The following GATAD2A variants were observed in gnomAD, a reference collection of about 807,000 sequenced individuals.
The protein encoded by GATAD2A is GATA zinc finger domain containing 2A.
In GATAD2A, 12 loss-of-function variants were observed where a neutral mutation model predicts 68.5. The observed-to-expected ratio is 0.18, with a 90% confidence interval of 0.11 to 0.28. The LOEUF is 0.28. Among genes scored for constraint, GATAD2A ranks in the 10% least tolerant of loss-of-function variants. The pLI, the probability that GATAD2A is intolerant of heterozygous loss-of-function variation, is 1.00. For missense variants in GATAD2A, 755 were observed against 868.5 expected, an observed-to-expected ratio of 0.87 and a Z score of 1.64; for synonymous variants, 410 against 375.3, an observed-to-expected ratio of 1.09 and a Z score of -1.07.
intron 1 of GATAD2A, among the ~76,000 whole-genome samples, chr19:19,388,090 C>CT (rs1438286017): frequency 6.8e-6 from 1 of 147,640 alleles, no homozygotes; most frequent in Non-Finnish European, 1.5e-5. Context: ...GAGTTTCGCT[C>CT]TTGTTGCCTA....
At chr19:19,478,810 TCAAAAAAAAAAAA>T (rs1297156724) in intron 2 of GATAD2A, among the ~76,000 whole-genome samples, 1 of 132,104 alleles carries the variant, frequency 7.6e-6, no homozygotes, top group Non-Finnish European at 1.5e-5. Flanking sequence ...AGACCTTGTC[TCAAAAAAAAAAAA>T]CAAAAAAAAA....
At chr19:19,489,151 A>C (rs557393318) in intron 2 of GATAD2A, among the ~76,000 whole-genome samples, 31 of 152,334 alleles carry the variant, frequency 2.0e-4, no homozygotes, top group African/African-American at 7.5e-4. Flanking sequence ...TTTTCATTTT[A>C]GAAACTTAGA....
At chr19:19,476,490 C>T (rs941647069) in intron 2 of GATAD2A, among the ~76,000 whole-genome samples, 7 of 152,180 alleles carry the variant, frequency 4.6e-5, no homozygotes, top group African/African-American at 1.7e-4. Flanking sequence ...ACCAGCACTC[C>T]GCTGTGCCCA....
chr19:19,484,463 A>G (rs2059271452), intron 2 of GATAD2A, among the ~76,000 whole-genome samples: 1 of 151,928 alleles, frequency 6.6e-6, no homozygotes, highest in Non-Finnish European at 1.5e-5. Context: ...TGGTAGGACT[A>G]ACTTGGGGAA....
At chr19:19,494,861 G>A (rs541894696) in intron 5 of GATAD2A, among the ~76,000 whole-genome samples, 5 of 152,368 alleles carry the variant, frequency 3.3e-5, no homozygotes, top group African/African-American at 1.2e-4. Flanking sequence ...CCAGTGTCAC[G>A]TGAGAATGAA....
At chr19:19,450,759 A>C (rs1029449118) in intron 1 of GATAD2A, among the ~76,000 whole-genome samples, 28 of 150,908 alleles carry the variant, frequency 1.9e-4, no homozygotes, top group African/African-American at 5.8e-4. Context: ...AAAAAAAAAA[A>C]AAACTCTTTT....
In GATAD2A at chr19:19,416,782, G is replaced by A. The variant is rs1182330857; in HGVS notation, c.-7+10763G>A. Among the ~76,000 whole-genome samples the A allele has an allele frequency of 4.0e-5, 6 of 150,772 alleles. No homozygotes were observed. The South Asian group carries it at 6.3e-4, about 16-fold the overall frequency. On this transcript the variant is annotated intron_variant, in intron 1 of 11. Coordinates refer to ENST00000683918, the MANE Select transcript of GATAD2A (RefSeq NM_001384528.1). ...TTTTTAAACTTTTTTTTTGTTTTGA[G>A]GCGGAGTTTCGCTCTTGTTGCCCAG...
chr19:19,470,151 T>TA (rs199798773), intron 2 of GATAD2A, among the ~76,000 whole-genome samples: 1,908 of 137,450 alleles, frequency 0.014, 54 homozygotes, highest in African/African-American at 0.049. Flanking sequence ...TTATTTTTTT[T>TA]TTTGTTTTTT....
At chr19:19,406,552 C>T (rs1363182761) in intron 1 of GATAD2A, among the ~76,000 whole-genome samples, 2 of 152,146 alleles carry the variant, frequency 1.3e-5, no homozygotes, top group Non-Finnish European at 2.9e-5. Flanking sequence ...CGCGCCCTTC[C>T]TGCCTAACCC....
chr19:19,484,516 TTC>T (rs2059277347), intron 2 of GATAD2A, among the ~76,000 whole-genome samples: 2 of 140,074 alleles, frequency 1.4e-5, no homozygotes, highest in Non-Finnish European at 3.0e-5. Context: ...ATTTTTCTTT[TTC>T]TTTTTTTTTT....
chr19:19,497,632 T>C (rs144736055), intron 7 of GATAD2A, among the ~76,000 whole-genome samples: 123 of 152,156 alleles, frequency 8.1e-4, no homozygotes, highest in African/African-American at 2.8e-3. Context: ...GGTGGGACCC[T>C]GGGAAGGCAT....
At chr19:19,416,982 G>A (rs563899987) in intron 1 of GATAD2A, among the ~76,000 whole-genome samples, 1 of 152,084 alleles carries the variant, frequency 6.6e-6, no homozygotes, top group Admixed American at 6.6e-5. Context: ...GGCTGGTCTC[G>A]AACTTCTGAC....
chr19:19,405,066 T>A (rs1182302785), upstream of GATAD2A, among the ~76,000 whole-genome samples: 2 of 152,186 alleles, frequency 1.3e-5, no homozygotes, highest in Non-Finnish European at 2.9e-5. Context: ...AGATTTGCTT[T>A]CTTGAGGGGT....
At chr19:19,419,003 T>G (rs2051995942) in intron 1 of GATAD2A, among the ~76,000 whole-genome samples, 1 of 152,100 alleles carries the variant, frequency 6.6e-6, no homozygotes, top group East Asian at 1.9e-4. Context: ...TACTGCCCAC[T>G]CCAAAAGGCC....
At chr19:19,393,819 G>A in intron 1 of GATAD2A, among the ~76,000 whole-genome samples, 1 of 152,070 alleles carries the variant, frequency 6.6e-6, no homozygotes, top group African/African-American at 2.4e-5. Flanking sequence ...TGACCACTGT[G>A]GCTGTAATCT....
rs1233197735 is a variant in GATAD2A at position 19,505,843 on chromosome 19, C to T, written c.*369C>T. ...GCACACGGGCGGCTCACCCTGGACA[C>T]TGTGATGCGCATGGGCAAGGCCAGC... On this transcript the variant is annotated 3_prime_UTR_variant, in exon 12 of 12. Transcript: ENST00000683918. The T allele has an allele frequency of 4.9e-6, 2 of 410,656 alleles. No homozygotes were observed. Among genetic ancestry groups the T allele is most frequent in the African/African-American group, 2.1e-5 (1 of 48,672 alleles). 25.4% of individuals were successfully genotyped at this position (410,656 alleles called of 1,614,324 possible).
At chr19:19,387,075 T>C (rs1252592448) in intron 1 of GATAD2A, among the ~76,000 whole-genome samples, 2 of 152,060 alleles carry the variant, frequency 1.3e-5, no homozygotes, top group African/African-American at 2.4e-5. Context: ...CCCGCTTTCT[T>C]TGAGGGGCCC....
intron 1 of GATAD2A, among the ~76,000 whole-genome samples, chr19:19,387,436 C>T (rs913812574): frequency 6.6e-6 from 1 of 152,076 alleles, no homozygotes; most frequent in Non-Finnish European, 1.5e-5. Context: ...TCTTCTGCCT[C>T]AGCTTCCTGA....
chr19:19,439,565 TG>T (rs1195365178), intron 1 of GATAD2A, among the ~76,000 whole-genome samples: 2 of 152,068 alleles, frequency 1.3e-5, no homozygotes, highest in Non-Finnish European at 2.9e-5. Flanking sequence ...AAAGGACAAG[TG>T]GTCAGGTGCG....
Sources: allele counts gnomAD v4.1 joint callset (sites outside exome capture counted in the v4.1 genomes callset), GRCh38; gene constraint gnomAD v4.1.1; transcripts MANE v1.5; gene names NCBI Gene and HGNC (gene_info 2026-07-23, HGNC 2026-07-21).